Variants in DOK6 observed in about 807,000 individuals in gnomAD.
The protein encoded by DOK6 is downstream of tyrosine kinase 6.
In DOK6, 22 loss-of-function variants were observed where a neutral mutation model predicts 44.0. The observed-to-expected ratio is 0.50, with a 90% CI of 0.36 to 0.71. The LOEUF (loss-of-function observed/expected upper bound fraction) is 0.71, where lower values mean the gene tolerates loss of function less well. Ranked by LOEUF, DOK6 falls within the 30% of genes least tolerant of loss-of-function variation. DOK6 has a pLI of 0.00. For missense variants in DOK6, 340 were observed against 416.4 expected, an observed-to-expected ratio of 0.82 and a Z score of 1.60; for synonymous variants, 166 against 145.5, an observed-to-expected ratio of 1.14 and a Z score of -1.01.
chr18:69,742,602 G>A (rs961080685), intron 6 of DOK6, among the ~76,000 whole-genome samples: 1 of 152,068 alleles, frequency 6.6e-6, no homozygotes, highest in African/African-American at 2.4e-5. Flanking sequence ...TTAAGGAGAG[G>A]TTATTGGTTT....
Position 69,451,307 on chromosome 18 carries a change from G to A in DOK6, c.66+49997G>A, listed in dbSNP as rs1285909147. On this transcript the variant is annotated intron_variant, in intron 1 of 7. Coordinates refer to ENST00000382713, the MANE Select transcript of DOK6 (RefSeq NM_152721.6). ...CTTTAAACCAACAAAGATGAAAAGA[G>A]ACAAAGAAGGCCATTACATAATGGT... 1.8e-5 allele frequency among the ~76,000 whole-genome samples: 2 copies of A among 111,964 alleles called. 1 individual carries two copies. The highest frequency in any genetic ancestry group is 7.0e-5 in the African/African-American group (2 of 28,542). 73.5% of individuals were successfully genotyped at this position (111,964 alleles called of 152,430 possible). A position where few individuals can be genotyped will look rare whatever the true frequency, so the allele number is the denominator to read the frequency against.
Position 69,692,337 on chromosome 18 carries a change from C to T in DOK6, c.410-6067C>T, listed in dbSNP as rs142447664. ...AAACACTAATCTCTGCCTGAGATAC[C>T]GCCAGGGGCAAGAAGTGGAAATTTC... On this transcript the variant is annotated intron_variant, in intron 4 of 7. Transcript: ENST00000382713. 1.2e-3 allele frequency among the ~76,000 whole-genome samples: 189 copies of T among 152,272 alleles called. 1 individual carries two copies. The highest frequency in any genetic ancestry group is 4.3e-3 in the African/African-American group (178 of 41,544).
chr18:69,715,136 A>C (rs2144718742), intron 5 of DOK6, among the ~76,000 whole-genome samples: 1 of 152,296 alleles, frequency 6.6e-6, no homozygotes, highest in Middle Eastern at 3.4e-3. Flanking sequence ...TCTACAAGAC[A>C]AATCGGTCTA....
At chr18:69,753,913 T>G (rs551128230) in intron 6 of DOK6, among the ~76,000 whole-genome samples, 1 of 152,190 alleles carries the variant, frequency 6.6e-6, no homozygotes, top group Non-Finnish European at 1.5e-5. Context: ...TGTATCCATC[T>G]TGTTTAATTT....
intron 2 of DOK6, among the ~76,000 whole-genome samples, chr18:69,567,462 T>G (rs748509803): frequency 3.3e-5 from 5 of 152,018 alleles, no homozygotes; most frequent in Non-Finnish European, 4.4e-5. Flanking sequence ...AGAAAAATTT[T>G]TAAAAACCAT....
chr18:69,610,335 A>T (rs1265601681), intron 3 of DOK6, among the ~76,000 whole-genome samples: 1 of 152,176 alleles, frequency 6.6e-6, no homozygotes, highest in African/African-American at 2.4e-5. Context: ...CGTACCCTTG[A>T]TTCTATGAAC....
intron 3 of DOK6, among the ~76,000 whole-genome samples, 155 bp from the exon 4 acceptor site, chr18:69,677,579 A>G (rs1026347703): frequency 6.6e-6 from 1 of 152,178 alleles, no homozygotes; most frequent in African/African-American, 2.4e-5. Flanking sequence ...AATTTTTGGG[A>G]CTTATTTTCA....
intron 5 of DOK6, among the ~76,000 whole-genome samples, chr18:69,716,367 T>C (rs775199076): frequency 3.3e-5 from 5 of 152,260 alleles, no homozygotes; most frequent in Non-Finnish European, 7.3e-5. Context: ...GGCAATTTAA[T>C]ATGCAATTAT....
intron 1 of DOK6, among the ~76,000 whole-genome samples, chr18:69,409,745 C>G (rs1034973591): frequency 6.6e-6 from 1 of 152,152 alleles, no homozygotes; most frequent in Non-Finnish European, 1.5e-5. Context: ...ACTTTAACAC[C>G]ATGGCAACCA....
At chr18:69,519,426 T>C (rs1170791912) in intron 1 of DOK6, among the ~76,000 whole-genome samples, 1 of 152,016 alleles carries the variant, frequency 6.6e-6, no homozygotes, top group Non-Finnish European at 1.5e-5. Context: ...CACTGCTTTA[T>C]TTTTGTTATT....
chr18:69,452,233 C>T (rs1420687023), intron 1 of DOK6, among the ~76,000 whole-genome samples: 1 of 148,920 alleles, frequency 6.7e-6, no homozygotes, highest in Non-Finnish European at 1.5e-5. Context: ...AAGGGGATAT[C>T]ACCACCGATC....
At position 69,847,446 on chromosome 18, in the gene DOK6, T is replaced by C. The variant is rs1982370076; in HGVS notation, c.*6063T>C. On this transcript the variant is annotated 3_prime_UTR_variant, in exon 8 of 8. Transcript: ENST00000382713. ...AGACCCACAGCCTCAAAAGAGTTGC[T>C]TATTATCAGATGTCCGAAATTCAGA... is the stretch of plus-strand genomic sequence containing the variant. The C allele has an allele frequency of 1.3e-5, 2 of 152,204 alleles. No homozygotes were observed. Among genetic ancestry groups the C allele is most frequent in the Non-Finnish European group, 2.9e-5 (2 of 68,034 alleles). 9.4% of individuals were successfully genotyped at this position (152,204 alleles called of 1,614,324 possible).
chr18:69,816,240 G>T (rs1021116503), intron 7 of DOK6, among the ~76,000 whole-genome samples: 3 of 152,164 alleles, frequency 2.0e-5, no homozygotes, highest in Admixed American at 6.6e-5. Flanking sequence ...CTACGGCATT[G>T]CCAGGCCCCT....
rs1284696249 is a variant in DOK6 at position 69,623,013 on chromosome 18, A to G, written c.289+23515A>G. Among the ~76,000 whole-genome samples the G allele has an allele frequency of 4.6e-5, 7 of 152,302 alleles. No homozygotes were observed. The South Asian group carries it at 6.2e-4, about 14-fold the overall frequency. ...CACCCAAATCTCATGTAGAGTTGTC[A>G]TCCTCAGTGTTGGAGGCCTGGTGGG... On this transcript the variant is annotated intron_variant, in intron 3 of 7. Transcript: ENST00000382713.
intron 1 of DOK6, among the ~76,000 whole-genome samples, chr18:69,557,518 G>T (rs961190650): frequency 6.6e-6 from 1 of 152,130 alleles, no homozygotes; most frequent in Non-Finnish European, 1.5e-5. Flanking sequence ...GCGGTAAAAT[G>T]GTTTTCATCA....
rs1211258026 is a variant in DOK6 at position 69,621,036 on chromosome 18, TATCTACTTGAATGCATTCTGGTTATCTAC to T, written c.289+21562_289+21590del. On this transcript the variant is annotated intron_variant, in intron 3 of 7. Transcript: ENST00000382713. The stretch of plus-strand genomic sequence containing the variant: ...TACTTGAATGCATTCTGGTTATCTA[TATCTACTTGAATGCATTCTGGTTATCTAC>T]ATCTACTTGAATGCATTCTGGTTGA... 3.3e-3 allele frequency among the ~76,000 whole-genome samples: 504 copies of T among 152,298 alleles called. 4 individuals are homozygous for T. Among genetic ancestry groups the T allele is most frequent in the Non-Finnish European group, 6.2e-3 (419 of 68,022 alleles).
intron 3 of DOK6, among the ~76,000 whole-genome samples, chr18:69,613,629 A>G (rs920756642): frequency 1.3e-5 from 2 of 152,170 alleles, no homozygotes; most frequent in African/African-American, 4.8e-5. Flanking sequence ...TCTCTTATAA[A>G]AAAAATAGAT....
intron 3 of DOK6, among the ~76,000 whole-genome samples, chr18:69,608,879 G>A (rs1984065329): frequency 6.6e-6 from 1 of 150,548 alleles, no homozygotes; most frequent in African/African-American, 2.5e-5. Context: ...CAACCCGGGA[G>A]GTGGAGGTTG....
At chr18:69,743,722 T>TG (rs796354398) in intron 6 of DOK6, among the ~76,000 whole-genome samples, 19 of 151,300 alleles carry the variant, frequency 1.3e-4, no homozygotes, top group African/African-American at 2.9e-4. Flanking sequence ...AAAAGAAGTG[T>TG]GGGGGGGATT....
Sources: gnomAD v4.1 joint callset for allele counts (sites outside exome capture counted in the v4.1 genomes callset) on GRCh38, gnomAD v4.1.1 for gene constraint, MANE v1.5 for transcripts, NCBI Gene and HGNC (gene_info 2026-07-23, HGNC 2026-07-21) for gene names.